Variants in C2CD2 observed in about 807,000 individuals in gnomAD.
The protein encoded by C2CD2 is C2 calcium dependent domain containing 2, also known as C2 domain-containing protein 2.
C2CD2 carries 43 observed loss-of-function variants against 74.3 expected under a neutral mutation model. That is an observed-to-expected ratio of 0.58 (90% CI 0.45 to 0.75). The LOEUF (loss-of-function observed/expected upper bound fraction) is 0.75, where lower values mean the gene tolerates loss of function less well. Among genes scored for constraint, C2CD2 ranks in the 30% least tolerant of loss-of-function variants. C2CD2 has a pLI of 0.00. For synonymous variants in C2CD2, 422 were observed against 390.7 expected (o/e 1.08, Z -0.94); for missense variants, 801 against 916.3 (o/e 0.87, Z 1.63).
intron 1 of C2CD2, among the ~76,000 whole-genome samples, chr21:41,946,157 A>T (rs148352899): frequency 5.8e-4 from 88 of 152,334 alleles, no homozygotes; most frequent in African/African-American, 2.0e-3. Context: ...ATCACTGCAC[A>T]CAAGATACAC....
At position 41,914,590 on chromosome 21, in the gene C2CD2, T is replaced by C. The variant is rs2146185140; in HGVS notation, c.844+8A>G. The C allele has an allele frequency of 6.2e-7, 1 of 1,612,586 alleles. No individual in the cohort carries two copies. On this transcript the variant is annotated splice_region_variant and intron_variant, in intron 6 of 13. Transcript: ENST00000380486. ...CCTCCAGGCAGGCAGGCTCCCATCG[T>C]CACCCACCTGAGGCACCGGGCTCGC...
rs117993382 is a variant in C2CD2 at position 41,896,110 on chromosome 21, G to A, written c.1870+2943C>T. Among the ~76,000 whole-genome samples the A allele has an allele frequency of 6.7e-3, 1,020 of 152,324 alleles. 3 individuals are homozygous for A. Among genetic ancestry groups the A allele is most frequent in the Non-Finnish European group, 9.7e-3 (660 of 68,016 alleles). On this transcript the variant is annotated intron_variant, in intron 13 of 13. Coordinates refer to ENST00000380486, the MANE Select transcript of C2CD2 (RefSeq NM_015500.2). ...GGAGGGTAAAGGCGGAGTTGGGAGG[G>A]AACACGAGGCAGGCAGGTCGGCTGG... is the stretch of plus-strand genomic sequence containing the variant.
chr21:41,924,317 G>T lies in C2CD2; in HGVS notation c.379-2232C>A, dbSNP rs1254624831. 6.6e-6 allele frequency among the ~76,000 whole-genome samples: 1 copy of T among 152,142 alleles called. No homozygotes were observed. Among genetic ancestry groups the T allele is most frequent in the African/African-American group, 2.4e-5 (1 of 41,436 alleles). On this transcript the variant is annotated intron_variant, in intron 2 of 13. Transcript: ENST00000380486. The surrounding 1 kb of genome is among the most constrained non-coding windows in gnomAD (Gnocchi z 4.4). The stretch of plus-strand genomic sequence containing the variant: ...AACGGAACCTGGGCACTAAGGCCCG[G>T]GCAGGGGTCAACATCCAATATCCAC...
chr21:41,899,265 C>G lies in C2CD2; in HGVS notation c.1658G>C (p.Arg553Thr), dbSNP rs2064862885. Reference sequence around the variant, plus strand: ...CTCTGGCGGGGCAGAGGCTGCCGCCCTCTCCGGATGGGATGGGGCGTCCTC... The same window carrying G: ...CTCTGGCGGGGCAGAGGCTGCCGCCGTCTCCGGATGGGATGGGGCGTCCTC... ...HQEDAPSHPE[R>T]AAASAPPEEA... The change falls in exon 13 of 14, where the codon AGG (arginine) becomes ACG (threonine). Residue 553 changes from arginine to threonine, a missense_variant. Transcript: ENST00000380486. This position sits in a 1 kb window ranked among gnomAD's most constrained non-coding sequence, Gnocchi z 4.4. 1.2e-6 allele frequency: 2 copies of G among 1,612,202 alleles called. No homozygotes were observed. Among genetic ancestry groups the G allele is most frequent in the African/African-American group, 1.3e-5 (1 of 75,018 alleles).
chr21:41,931,319 C>T (rs73221434), intron 2 of C2CD2, among the ~76,000 whole-genome samples: 2,749 of 150,468 alleles, frequency 0.018, 178 homozygotes, highest in Middle Eastern at 0.048. Flanking sequence ...GCAGGGCCTG[C>T]TGCCTGTGAT....
intron 2 of C2CD2, among the ~76,000 whole-genome samples, chr21:41,928,777 C>T (rs988959166): frequency 5.9e-5 from 9 of 151,950 alleles, no homozygotes; most frequent in Admixed American, 1.3e-4. Flanking sequence ...ACACCCAGGG[C>T]GAGTTATGGG....
Position 41,953,990 on chromosome 21 carries a change from G to T in C2CD2, c.-342C>A, listed in dbSNP as rs1174784431. On this transcript the variant is annotated 5_prime_UTR_variant, in exon 1 of 14. Transcript: ENST00000380486. Reference sequence around the variant, plus strand: ...GCGCGCCGCCCCGGGCGTCCCGCCCGCGGCCCAGCGGTGGCCGGAGGAGGC... The same window carrying T: ...GCGCGCCGCCCCGGGCGTCCCGCCCTCGGCCCAGCGGTGGCCGGAGGAGGC... The T allele has an allele frequency of 6.8e-6, 1 of 147,238 alleles. No homozygotes were observed. Among genetic ancestry groups the T allele is most frequent in the Non-Finnish European group, 1.5e-5 (1 of 66,192 alleles). 9.1% of individuals were successfully genotyped at this position (147,238 alleles called of 1,614,324 possible).
intron 7 of C2CD2, 94 bp from the exon 8 acceptor site, chr21:41,909,617 C>T (rs1278647078): frequency 1.1e-6 from 1 of 879,612 alleles, no homozygotes; most frequent in East Asian, 2.4e-5. Flanking sequence ...GAAAGGAAGA[C>T]AAAGATGTCA....
At position 41,905,704 on chromosome 21, in the gene C2CD2, C is replaced by A. The variant is rs1289276861; in HGVS notation, c.1432+20G>T. The stretch of plus-strand genomic sequence containing the variant: ...CCAAAGGTGCTAAGAGGGAGAGCGA[C>A]GTGGGCGTGTCTCAGTTACCTGTGT... On this transcript the variant is annotated intron_variant, in intron 11 of 13. Transcript: ENST00000380486. 1.5e-6 allele frequency: 2 copies of A among 1,303,914 alleles called. No individual in the cohort carries two copies. Among genetic ancestry groups the A allele is most frequent in the South Asian group, 2.4e-5 (2 of 81,802 alleles). 80.8% of individuals were successfully genotyped at this position (1,303,914 alleles called of 1,614,324 possible).
intron 13 of C2CD2, among the ~76,000 whole-genome samples, chr21:41,891,754 A>AC (rs1211461940): frequency 1.3e-5 from 2 of 151,924 alleles, no homozygotes; most frequent in Non-Finnish European, 2.9e-5. Context: ...CTCCAACGTC[A>AC]CCCCCTTCAC....
Position 41,885,944 on chromosome 21 carries a change from T to G in C2CD2, c.*3180A>C, listed in dbSNP as rs1350995657. On this transcript the variant is annotated 3_prime_UTR_variant, in exon 14 of 14. Transcript: ENST00000380486. ...CGAAAATAAAGTGCTCTGTCAAAAC[T>G]CTCACAGCAGGTTTTCAGCTGGAAC... 1.3e-5 allele frequency: 2 copies of G among 152,494 alleles called. No homozygotes were observed. Among genetic ancestry groups the G allele is most frequent in the Admixed American group, 1.3e-4 (2 of 15,280 alleles). 9.4% of individuals were successfully genotyped at this position (152,494 alleles called of 1,614,324 possible). A position where few individuals can be genotyped will look rare whatever the true frequency, so the allele number is the denominator to read the frequency against.
rs2064808748 is a variant in C2CD2, at chr21:41,895,243, C to T, written c.1870+3810G>A. 6.6e-6 allele frequency among the ~76,000 whole-genome samples: 1 copy of T among 152,200 alleles called. No individual in the cohort carries two copies. Among genetic ancestry groups the T allele is most frequent in the African/African-American group, 2.4e-5 (1 of 41,446 alleles). On this transcript the variant is annotated intron_variant, in intron 13 of 13. Coordinates refer to ENST00000380486, the MANE Select transcript of C2CD2 (RefSeq NM_015500.2). This position sits in a 1 kb window ranked among gnomAD's most constrained non-coding sequence, Gnocchi z 5.0. ...TGCTGCCTGCCCTGCGGATTTCAGA[C>T]CTGTCAATCTCATGAGTCAGTTCCT... is the stretch of plus-strand genomic sequence containing the variant.
intron 13 of C2CD2, among the ~76,000 whole-genome samples, chr21:41,894,107 CCCTAA>C (rs2064792085): frequency 6.6e-6 from 1 of 152,184 alleles, no homozygotes; most frequent in Non-Finnish European, 1.5e-5. Context: ...GCACACTTTC[CCCTAA>C]CCTGATAATT....
rs368650116 is a variant in C2CD2, at chr21:41,910,060, C to T, written c.954-537G>A. 2.7e-4 allele frequency among the ~76,000 whole-genome samples: 41 copies of T among 151,250 alleles called. No individual in the cohort carries two copies. In the East Asian group the frequency reaches 7.6e-3, roughly 28 times the overall value. On this transcript the variant is annotated intron_variant, in intron 7 of 13. Coordinates refer to ENST00000380486, the MANE Select transcript of C2CD2 (RefSeq NM_015500.2). ...CGTTGCCCAGGCTGGTGTCGAACTC[C>T]TGAGCTCAAGCCATCCTCCCACCTC...
At chr21:41,919,904 C>G (rs2065136859) in intron 3 of C2CD2, among the ~76,000 whole-genome samples, 1 of 152,124 alleles carries the variant, frequency 6.6e-6, no homozygotes, top group East Asian at 1.9e-4. Flanking sequence ...CTGGGTCCTT[C>G]CGAAGAGCCC....
chr21:41,921,787 T>C (rs1365935163), intron 3 of C2CD2, among the ~76,000 whole-genome samples, 185 bp downstream of exon 3: 1 of 152,172 alleles, frequency 6.6e-6, no homozygotes, highest in Non-Finnish European at 1.5e-5. Context: ...GTGTAATGTG[T>C]AGTGTGTGTG....
rs572297119 is a variant in C2CD2 at position 41,939,472 on chromosome 21, T to C, written c.378+2675A>G. Among the ~76,000 whole-genome samples the C allele has an allele frequency of 6.6e-6, 1 of 152,270 alleles. No individual in the cohort carries two copies. Among genetic ancestry groups the C allele is most frequent in the African/African-American group, 2.4e-5 (1 of 41,546 alleles). ...CAGCCACAAAGGGATGAAGTCTCTATTTGCCACAAATAGAGAGGGTGCTCA... is the reference window on the plus strand; with the variant it reads ...CAGCCACAAAGGGATGAAGTCTCTACTTGCCACAAATAGAGAGGGTGCTCA... On this transcript the variant is annotated intron_variant, in intron 2 of 13. Transcript: ENST00000380486. The surrounding 1 kb of genome is among the most constrained non-coding windows in gnomAD (Gnocchi z 5.5).
intron 12 of C2CD2, among the ~76,000 whole-genome samples, chr21:41,900,141 G>T (rs1487823786): frequency 2.0e-5 from 3 of 152,056 alleles, no homozygotes; most frequent in African/African-American, 4.8e-5. Context: ...GGTCGTAGTG[G>T]CGGGCGCCTG....
At position 41,892,409 on chromosome 21, in the gene C2CD2, T is replaced by C. The variant is rs1012617956; in HGVS notation, c.1871-3065A>G. Among the ~76,000 whole-genome samples the C allele has an allele frequency of 2.0e-5, 3 of 152,080 alleles. No individual in the cohort carries two copies. The highest frequency in any genetic ancestry group is 4.4e-5 in the Non-Finnish European group (3 of 68,000). On this transcript the variant is annotated intron_variant, in intron 13 of 13. Coordinates refer to ENST00000380486, the MANE Select transcript of C2CD2 (RefSeq NM_015500.2). This position sits in a 1 kb window ranked among gnomAD's most constrained non-coding sequence, Gnocchi z 4.6. ...GGCTCCTGGTGTTGCAAACACCCAG[T>C]TTGTGGTACTTTGATACAGCCCTGG...
Sources: gnomAD v4.1 joint callset for allele counts (sites outside exome capture counted in the v4.1 genomes callset) on GRCh38, gnomAD v4.1.1 for gene constraint, Gnocchi (gnomAD v3.1) non-coding constraint, MANE v1.5 for transcripts, NCBI Gene and HGNC (gene_info 2026-07-23, HGNC 2026-07-21) for gene names.